PCDHGA3: variants seen among roughly 807,000 people sequenced by gnomAD.
PCDHGA3 encodes the protein protocadherin gamma-A3.
A neutral mutation model predicts 58.5 loss-of-function variants in PCDHGA3; 40 were observed. The observed-to-expected ratio is 0.68, with a 90% CI of 0.53 to 0.89. PCDHGA3 has a LOEUF of 0.89. Among genes scored for constraint, PCDHGA3 ranks in the 40% least tolerant of loss-of-function variants. PCDHGA3 has a pLI of 0.00. For synonymous variants in PCDHGA3, 530 were observed against 525.7 expected (o/e 1.01, Z -0.11); for missense variants, 1,223 against 1,195.9 (o/e 1.02, Z -0.33).
intron 1 of PCDHGA3, chr5:141,389,481 C>G (rs372276550): frequency 3.7e-5 from 60 of 1,612,962 alleles, no homozygotes; most frequent in African/African-American, 8.0e-5. Flanking sequence ...ACTGCAGGCC[C>G]GCGACCAGGG....
rs971610218 is a variant in PCDHGA3, at chr5:141,400,979, C to T, written c.2424+54522C>T. Among the ~76,000 whole-genome samples, 10 of 152,258 alleles carry T rather than the reference C, an allele frequency of 6.6e-5. No individual in the cohort carries two copies. The East Asian group carries it at 9.6e-4, about 15-fold the overall frequency. ...GTAGTTTTCATCTCTTTCTTATGTT[C>T]CTCATATATGCTTTCTTATTCCTAC... On this transcript the variant is annotated intron_variant, in intron 1 of 3. Transcript: ENST00000253812.
At chr5:141,398,730 C>T (rs200411955) in intron 1 of PCDHGA3, 568 of 1,613,656 alleles carry the variant, frequency 3.5e-4, no homozygotes, top group Non-Finnish European at 4.6e-4. Context: ...AAACCTTAGA[C>T]CGGGAACAAC....
chr5:141,377,007 T>A (rs985572001), intron 1 of PCDHGA3: 1 of 155,470 alleles, frequency 6.4e-6, no homozygotes, highest in African/African-American at 2.4e-5. Context: ...TTTTTATTGG[T>A]TGACAGGAAA....
chr5:141,481,445 T>C (rs760413279), intron 1 of PCDHGA3, among the ~76,000 whole-genome samples: 2 of 152,260 alleles, frequency 1.3e-5, no homozygotes, highest in Non-Finnish European at 2.9e-5. Context: ...GTTTAGTACA[T>C]GTAAATACAC....
rs759220286 is a variant in PCDHGA3 at position 141,490,018 on chromosome 5, C to G, written c.2425-4789C>G. The G allele has an allele frequency of 6.2e-7, 1 of 1,614,252 alleles. No individual in the cohort carries two copies. Among genetic ancestry groups the G allele is most frequent in the Non-Finnish European group, 8.5e-7 (1 of 1,180,038 alleles). ...CCCAGAGAATGCACCCATTGGTACTCTGCTGCTCCGCCTCAATGCCACTGA... is the reference window on the plus strand; with the variant it reads ...CCCAGAGAATGCACCCATTGGTACTGTGCTGCTCCGCCTCAATGCCACTGA... On this transcript the variant is annotated intron_variant, in intron 1 of 3. Transcript: ENST00000253812. This position sits in a 1 kb window ranked among gnomAD's most constrained non-coding sequence, Gnocchi z 5.4.
intron 1 of PCDHGA3, chr5:141,372,861 T>C (rs1283954034): frequency 7.0e-7 from 1 of 1,420,218 alleles, no homozygotes; most frequent in South Asian, 1.4e-5. Context: ...TTTCAATTCA[T>C]TGATTTAGAG....
At position 141,491,265 on chromosome 5, in the gene PCDHGA3, C is replaced by G. The variant is rs868682993; in HGVS notation, c.2425-3542C>G. ...AGGATGAGGACCCTGAGGAAATGCCCAAATCCAGTGACTTCCTCATACACC... is the reference window on the plus strand; with the variant it reads ...AGGATGAGGACCCTGAGGAAATGCCGAAATCCAGTGACTTCCTCATACACC... On this transcript the variant is annotated intron_variant, in intron 1 of 3. Transcript: ENST00000253812. The surrounding 1 kb of genome is among the most constrained non-coding windows in gnomAD (Gnocchi z 6.9). The G allele has an allele frequency of 6.2e-7, 1 of 1,614,074 alleles. No individual in the cohort carries two copies. The highest frequency in any genetic ancestry group is 8.5e-7 in the Non-Finnish European group (1 of 1,179,916).
chr5:141,486,401 G>T lies in PCDHGA3; in HGVS notation c.2425-8406G>T. 6.2e-7 allele frequency: 1 copy of T among 1,614,174 alleles called. No individual in the cohort carries two copies. On this transcript the variant is annotated intron_variant, in intron 1 of 3. Transcript: ENST00000253812. The surrounding 1 kb of genome is among the most constrained non-coding windows in gnomAD (Gnocchi z 5.0). ...CAGGAACCAGTTCTCCCTGGTGACT[G>T]CTGGACCCTTGGATCGAGAGGCCAA...
intron 1 of PCDHGA3, among the ~76,000 whole-genome samples, chr5:141,353,611 A>C (rs1166298432): frequency 6.6e-6 from 1 of 152,172 alleles, no homozygotes; most frequent in Non-Finnish European, 1.5e-5. Context: ...ACCATTCCTA[A>C]ATTATTTGTT....
Position 141,431,363 on chromosome 5 carries a change from C to A in PCDHGA3, c.2425-63444C>A. ...ATTGGTGCTGAAACGCGCCCTGGAC[C>A]GCGAAGAAAAGGCTGCTCACCACCT... On this transcript the variant is annotated intron_variant, in intron 1 of 3. Transcript: ENST00000253812. The surrounding 1 kb of genome is among the most constrained non-coding windows in gnomAD (Gnocchi z 4.8). 1 of 1,614,024 alleles carries A rather than the reference C, an allele frequency of 6.2e-7. No homozygotes were observed. Among genetic ancestry groups the A allele is most frequent in the Non-Finnish European group, 8.5e-7 (1 of 1,180,028 alleles).
intron 1 of PCDHGA3, among the ~76,000 whole-genome samples, chr5:141,470,825 C>A (rs557419577): frequency 6.6e-6 from 1 of 152,182 alleles, no homozygotes; most frequent in Admixed American, 6.5e-5. Context: ...GTAGTTAGGA[C>A]GACAAACACA....
intron 1 of PCDHGA3, among the ~76,000 whole-genome samples, chr5:141,430,388 A>G (rs2097280501): frequency 6.6e-6 from 1 of 152,106 alleles, no homozygotes; most frequent in Non-Finnish European, 1.5e-5. Flanking sequence ...ATTGGGAAAA[A>G]AAAAAAAAGC....
At chr5:141,364,959 T>A (rs1318302569) in intron 1 of PCDHGA3, 1 of 1,613,876 alleles carries the variant, frequency 6.2e-7, no homozygotes, top group Non-Finnish European at 8.5e-7. Flanking sequence ...GTTCACGACC[T>A]CCTCCTCACA....
chr5:141,404,174 C>A, intron 1 of PCDHGA3: 1 of 1,613,138 alleles, frequency 6.2e-7, no homozygotes, highest in Non-Finnish European at 8.5e-7. Flanking sequence ...GTTGACGGCC[C>A]AAATTCTTGA....
chr5:141,394,946 T>A (rs759854662), intron 1 of PCDHGA3: 1 of 1,613,768 alleles, frequency 6.2e-7, no homozygotes, highest in East Asian at 2.2e-5. Flanking sequence ...TCGCTGTGCT[T>A]CTGGGGCTCA....
chr5:141,350,940 T>C, intron 1 of PCDHGA3: 1 of 1,614,094 alleles, frequency 6.2e-7, no homozygotes, highest in Non-Finnish European at 8.5e-7. Flanking sequence ...CATATCTGGA[T>C]CCGAGTTACG....
At chr5:141,418,499 G>A (rs775606988) in intron 1 of PCDHGA3, 1 of 1,613,962 alleles carries the variant, frequency 6.2e-7, no homozygotes, top group Non-Finnish European at 8.5e-7. Context: ...GGTACTGACC[G>A]CCTTAGATGG....
chr5:141,383,913 A>G, intron 1 of PCDHGA3: 1 of 1,613,990 alleles, frequency 6.2e-7, no homozygotes, highest in Non-Finnish European at 8.5e-7. Flanking sequence ...TCACAGTTTT[A>G]GATGTAAATG....
intron 1 of PCDHGA3, chr5:141,419,727 C>G (rs1344063538): frequency 6.2e-7 from 1 of 1,613,582 alleles, no homozygotes; most frequent in Admixed American, 1.7e-5. Flanking sequence ...GGGCTGCGAA[C>G]AGGCGAGGTG....
Sources: gnomAD v4.1 joint callset for allele counts (sites outside exome capture counted in the v4.1 genomes callset) on GRCh38, gnomAD v4.1.1 for gene constraint, Gnocchi (gnomAD v3.1) non-coding constraint, MANE v1.5 for transcripts, NCBI Gene and HGNC (gene_info 2026-07-23, HGNC 2026-07-21) for gene names.